PTPN11: variants seen among roughly 807,000 people sequenced by gnomAD.
The protein encoded by PTPN11 is protein tyrosine phosphatase non-receptor type 11.
Under a neutral mutation model 78.8 loss-of-function variants are expected in PTPN11, and 6 were observed. The ratio of observed to expected loss-of-function variants is 0.08; its 90% CI spans 0.04 to 0.15. PTPN11 has a LOEUF of 0.15. Ranked by LOEUF, PTPN11 falls within the 10% of genes least tolerant of loss-of-function variation. PTPN11 has a pLI of 1.00. For missense variants in PTPN11, 386 were observed against 744.8 expected (o/e 0.52, Z 5.61); for synonymous variants, 221 against 263.5 (o/e 0.84, Z 1.56).
rs1369372963 is a variant in PTPN11, at chr12:112,504,016, C to T, written c.1713-679C>T. ...ACTGCCTGCCTGCTCCTGTATTTTC[C>T]CTTCTTGGAGCTTTTGCCTGTTCAG... On this transcript the variant is annotated intron_variant, in intron 14 of 15. Transcript: ENST00000351677. The surrounding 1 kb of genome is among the most constrained non-coding windows in gnomAD (Gnocchi z 4.7). Among the ~76,000 whole-genome samples, 4 of 152,124 alleles carry T rather than the reference C, an allele frequency of 2.6e-5. No homozygotes were observed. Among genetic ancestry groups the T allele is most frequent in the Non-Finnish European group, 5.9e-5 (4 of 68,032 alleles).
chr12:112,435,647 GTTT>G (rs552552504), intron 1 of PTPN11, among the ~76,000 whole-genome samples: 6 of 135,714 alleles, frequency 4.4e-5, no homozygotes, highest in African/African-American at 1.3e-4. Context: ...TAGGATTAAG[GTTT>G]TTTTTTTTTT....
At chr12:112,442,830 T>TATATA (rs2037917251) in intron 1 of PTPN11, among the ~76,000 whole-genome samples, 15 of 43,532 alleles carry the variant, frequency 3.4e-4, no homozygotes, top group African/African-American at 1.1e-3. Flanking sequence ...CTCTCTCTTT[T>TATATA]TATATATATA....
At chr12:112,426,723 T>TTG (rs1197326151) in intron 1 of PTPN11, among the ~76,000 whole-genome samples, 2 of 151,740 alleles carry the variant, frequency 1.3e-5, no homozygotes, top group South Asian at 2.1e-4. Context: ...AAGTGCTGGT[T>TTG]TGTGTGTGTG....
At chr12:112,489,531 T>C (rs1345410311) in intron 13 of PTPN11, among the ~76,000 whole-genome samples, 3 of 152,224 alleles carry the variant, frequency 2.0e-5, no homozygotes, top group Admixed American at 6.5e-5. Flanking sequence ...ATGTTTATCC[T>C]GATTCCATCC....
At chr12:112,445,122 T>C (rs1287786758) in intron 1 of PTPN11, among the ~76,000 whole-genome samples, 1 of 152,038 alleles carries the variant, frequency 6.6e-6, no homozygotes, top group African/African-American at 2.4e-5. Context: ...CCCCGAAGCA[T>C]GTATTTCTGT....
chr12:112,463,133 T>C (rs753317463), intron 6 of PTPN11, among the ~76,000 whole-genome samples: 2 of 152,174 alleles, frequency 1.3e-5, no homozygotes, highest in African/African-American at 2.4e-5. Context: ...TTACAAATGA[T>C]AGCTGAGTTG....
chr12:112,475,712 A>G (rs1339012166), intron 7 of PTPN11, among the ~76,000 whole-genome samples: 3 of 152,182 alleles, frequency 2.0e-5, no homozygotes, highest in African/African-American at 7.2e-5. Flanking sequence ...ATTTTGTCAA[A>G]TCTTGTAAAC....
In PTPN11 at chr12:112,478,033, C is replaced by G. The variant is rs2135902227; in HGVS notation, c.1092+18C>G. ...GAGGAAAGGTAAATCACAGAAACTTCTTTTCTGCTAAACTGTTTTTAAAGT... is the reference window on the plus strand; with the variant it reads ...GAGGAAAGGTAAATCACAGAAACTTGTTTTCTGCTAAACTGTTTTTAAAGT... On this transcript the variant is annotated intron_variant, in intron 9 of 15. Transcript: ENST00000351677. 6.2e-7 allele frequency: 1 copy of G among 1,613,534 alleles called. No individual in the cohort carries two copies. Among genetic ancestry groups the G allele is most frequent in the Non-Finnish European group, 8.5e-7 (1 of 1,179,590 alleles).
chr12:112,470,873 A>T (rs927017866), intron 6 of PTPN11, among the ~76,000 whole-genome samples: 1 of 152,208 alleles, frequency 6.6e-6, no homozygotes, highest in Non-Finnish European at 1.5e-5. Flanking sequence ...CTGTCTAAAC[A>T]TCAAGGTTAA....
chr12:112,504,612 GTA>G lies in PTPN11; in HGVS notation c.1713-81_1713-80del. 9.9e-7 allele frequency: 1 copy of G among 1,007,292 alleles called. No homozygotes were observed. The highest frequency in any genetic ancestry group is 1.5e-6 in the Non-Finnish European group (1 of 650,770). The allele number at this position is 1,007,292 out of a possible 1,614,324, so 62.4% of individuals were successfully genotyped here. A position where few individuals can be genotyped will look rare whatever the true frequency, so the allele number is the denominator to read the frequency against. On this transcript the variant is annotated intron_variant, in intron 14 of 15. Coordinates refer to ENST00000351677, the MANE Select transcript of PTPN11 (RefSeq NM_002834.5). The surrounding 1 kb of genome is among the most constrained non-coding windows in gnomAD (Gnocchi z 4.7). The stretch of plus-strand genomic sequence containing the variant: ...CCATATCTGGTGCCCAAAGAATGTA[GTA>G]TGTGTTTTATAGATATCATGTAAGC...
chr12:112,418,953 C>T lies in PTPN11; in HGVS notation c.-159C>T, dbSNP rs1011551718. 6 of 864,054 alleles carry T rather than the reference C, an allele frequency of 6.9e-6. No individual in the cohort carries two copies. The highest frequency in any genetic ancestry group is 1.8e-5 in the African/African-American group (1 of 56,590). 53.5% of individuals were successfully genotyped at this position (864,054 alleles called of 1,614,324 possible). ...GGCCGGGGGGCAGCTGCACAGTCTC[C>T]GGGATCCCCAGGCCTGGAGGGGGGT... On this transcript the variant is annotated 5_prime_UTR_variant, in exon 1 of 16. Transcript: ENST00000351677.
At chr12:112,425,502 A>G (rs958915213) in intron 1 of PTPN11, among the ~76,000 whole-genome samples, 1 of 152,212 alleles carries the variant, frequency 6.6e-6, no homozygotes, top group Non-Finnish European at 1.5e-5. Flanking sequence ...CTGGAGTAGC[A>G]GGTAAGAAAG....
At chr12:112,463,728 A>G (rs2038284145) in intron 6 of PTPN11, among the ~76,000 whole-genome samples, 1 of 152,212 alleles carries the variant, frequency 6.6e-6, no homozygotes, top group East Asian at 1.9e-4. Flanking sequence ...TCTGTACTCT[A>G]CAGGCTCTCC....
chr12:112,489,221 G>T (rs778522998), intron 13 of PTPN11, 46 bp downstream of exon 13: 2 of 1,609,060 alleles, frequency 1.2e-6, no homozygotes, highest in Non-Finnish European at 1.7e-6. Flanking sequence ...CTCTTGCTAG[G>T]CCTCTTGGAT....
At position 112,446,369 on chromosome 12, in the gene PTPN11, T is replaced by C. The variant is rs1312842293; in HGVS notation, c.108T>C (p.Ser36=). 1 of 1,614,178 alleles carries C rather than the reference T, an allele frequency of 6.2e-7. No individual in the cohort carries two copies. ...DGSFLARPSK[S]NPGDFTLSVR... is the part of the protein sequence containing the mutation. ...GTTTTTTGGCAAGGCCTAGTAAAAGTAACCCTGGAGACTTCACACTTTCCG... is the reference window on the plus strand; with the variant it reads ...GTTTTTTGGCAAGGCCTAGTAAAAGCAACCCTGGAGACTTCACACTTTCCG... The change falls in exon 2 of 16, where the codon AGT becomes AGC. Residue 36 remains serine (S), a synonymous_variant. Coordinates refer to ENST00000351677, the MANE Select transcript of PTPN11 (RefSeq NM_002834.5).
Position 112,452,178 on chromosome 12 carries a change from A to G in PTPN11, c.333-1017A>G, listed in dbSNP as rs533970344. On this transcript the variant is annotated intron_variant, in intron 3 of 15. Coordinates refer to ENST00000351677, the MANE Select transcript of PTPN11 (RefSeq NM_002834.5). ...GGCGTGAGCCACCGTGCCTGTCTCT[A>G]TTACAACTTTTTATTACAACTTCTT... 2.9e-3 allele frequency among the ~76,000 whole-genome samples: 435 copies of G among 151,814 alleles called. 5 individuals carry two copies. The highest frequency in any genetic ancestry group is 9.8e-3 in the African/African-American group (405 of 41,454).
intron 10 of PTPN11, among the ~76,000 whole-genome samples, chr12:112,486,230 G>A (rs1010052532): frequency 6.6e-6 from 1 of 152,090 alleles, no homozygotes; most frequent in Non-Finnish European, 1.5e-5. Context: ...ATGATTCAGG[G>A]TATAGTTACC....
intron 11 of PTPN11, chr12:112,486,842 A>G: frequency 1.4e-6 from 2 of 1,434,300 alleles, no homozygotes; most frequent in South Asian, 3.0e-5. Flanking sequence ...CCATGGCAAC[A>G]TGCTCAGTTA....
At chr12:112,437,200 G>A (rs528825335) in intron 1 of PTPN11, among the ~76,000 whole-genome samples, 1 of 152,004 alleles carries the variant, frequency 6.6e-6, no homozygotes, top group Non-Finnish European at 1.5e-5. Context: ...ACTCAGGCTG[G>A]AGTGCAGTGG....
Sources: gnomAD v4.1 joint callset for allele counts (sites outside exome capture counted in the v4.1 genomes callset) on GRCh38, gnomAD v4.1.1 for gene constraint, Gnocchi (gnomAD v3.1) non-coding constraint, MANE v1.5 for transcripts, NCBI Gene and HGNC (gene_info 2026-07-23, HGNC 2026-07-21) for gene names.